Variants in FAF1 observed in about 807,000 individuals in gnomAD.
The protein encoded by FAF1 is FAS-associated factor 1.
Under a neutral mutation model 92.5 loss-of-function variants are expected in FAF1, and 25 were observed. That is an observed-to-expected ratio of 0.27 (90% CI 0.20 to 0.38). The LOEUF is 0.38. Ranked by LOEUF, FAF1 falls within the 10% of genes least tolerant of loss-of-function variation. The pLI, the probability that FAF1 is intolerant of heterozygous loss-of-function variation, is 1.00. For synonymous variants in FAF1, 234 were observed against 273.2 expected (o/e 0.86, Z 1.42); for missense variants, 636 against 793.3 (o/e 0.80, Z 2.38).
chr1:50,584,931 T>A (rs1651154421), intron 9 of FAF1, 120 bp from the exon 10 acceptor site: 2 of 892,288 alleles, frequency 2.2e-6, no homozygotes. Flanking sequence ...ATAAACTCAT[T>A]TGCTAGAGTA....
intron 2 of FAF1, among the ~76,000 whole-genome samples, chr1:50,813,597 A>C (rs940394698): frequency 6.6e-6 from 1 of 152,106 alleles, no homozygotes; most frequent in Non-Finnish European, 1.5e-5. Flanking sequence ...AGTAGCTCGG[A>C]CTACAGGCAA....
At chr1:50,447,313 G>A (rs1177650891) in intron 18 of FAF1, among the ~76,000 whole-genome samples, 3 of 151,904 alleles carry the variant, frequency 2.0e-5, no homozygotes, top group African/African-American at 4.8e-5. Flanking sequence ...TTTTAGTAGA[G>A]ACGGGGTTTC....
At chr1:50,513,973 C>G (rs979148544) in intron 15 of FAF1, among the ~76,000 whole-genome samples, 1 of 152,200 alleles carries the variant, frequency 6.6e-6, no homozygotes, top group African/African-American at 2.4e-5. Flanking sequence ...CCAAACAGTG[C>G]AAATACAATC....
At chr1:50,519,286 G>A (rs528989733) in intron 15 of FAF1, among the ~76,000 whole-genome samples, 5 of 150,658 alleles carry the variant, frequency 3.3e-5, no homozygotes, top group Non-Finnish European at 5.9e-5. Context: ...TCGAGACCAC[G>A]CCACTGCACT....
rs1177328149 is a variant in FAF1 at position 50,819,720 on chromosome 1, TATATATATACATATATATAC to T, written c.115-18063_115-18044del. 1.6e-3 allele frequency among the ~76,000 whole-genome samples: 40 copies of T among 25,130 alleles called. 2 individuals are homozygous for T. The highest frequency in any genetic ancestry group is 2.1e-3 in the Non-Finnish European group (25 of 12,014). The allele number at this position is 25,130 out of a possible 152,430, so 16.5% of individuals were successfully genotyped here. On this transcript the variant is annotated intron_variant, in intron 2 of 18. Transcript: ENST00000396153. The stretch of plus-strand genomic sequence containing the variant: ...ATATATATACATATATATATACGTA[TATATATATACATATATATAC>T]ATATATATATACATATATATATACG...
chr1:50,642,466 C>T (rs896054703), intron 8 of FAF1, among the ~76,000 whole-genome samples: 2 of 151,626 alleles, frequency 1.3e-5, no homozygotes, highest in African/African-American at 4.8e-5. Flanking sequence ...TTGGCCAATA[C>T]GGTGAAACCC....
intron 6 of FAF1, among the ~76,000 whole-genome samples, chr1:50,709,748 A>T (rs1469751535): frequency 6.6e-6 from 1 of 152,220 alleles, no homozygotes; most frequent in Non-Finnish European, 1.5e-5. Flanking sequence ...CTAGAAGTTT[A>T]CCGCTCATTC....
chr1:50,585,880 TAAAAAAAA>T (rs958484582), intron 9 of FAF1, among the ~76,000 whole-genome samples: 1 of 90,668 alleles, frequency 1.1e-5, no homozygotes, highest in Non-Finnish European at 2.3e-5. Context: ...CATCTCTACA[TAAAAAAAA>T]AAAAAAAAAA....
Position 50,705,846 on chromosome 1 carries a change from G to A in FAF1, c.597C>T (p.Thr199=). 6.2e-7 allele frequency: 1 copy of A among 1,612,882 alleles called. No individual in the cohort carries two copies. The highest frequency in any genetic ancestry group is 8.5e-7 in the Non-Finnish European group (1 of 1,179,352). The change falls in exon 7 of 19, where the codon ACC becomes ACT. Residue 199 remains threonine, a synonymous_variant. Transcript: ENST00000396153. The part of the protein sequence containing the change: ...SLNQNFMLII[T]HREVQREYNL... Reference sequence around the variant, plus strand: ...TGTACTCCCGCTGGACTTCTCGGTGGGTGATGATCAGCATGAAGTTTTGAT... The same window carrying A: ...TGTACTCCCGCTGGACTTCTCGGTGAGTGATGATCAGCATGAAGTTTTGAT...
At chr1:50,495,787 T>G (rs1475308664) in intron 15 of FAF1, among the ~76,000 whole-genome samples, 1 of 152,214 alleles carries the variant, frequency 6.6e-6, no homozygotes, top group Non-Finnish European at 1.5e-5. Flanking sequence ...TCCCTGTCTT[T>G]GGGATAAAAG....
intron 7 of FAF1, among the ~76,000 whole-genome samples, chr1:50,698,996 C>T (rs1657352005): frequency 6.6e-6 from 1 of 151,914 alleles, no homozygotes; most frequent in Non-Finnish European, 1.5e-5. Flanking sequence ...ACGATACAAA[C>T]TTTAAGAAGA....
chr1:50,836,242 C>T (rs997150614), intron 2 of FAF1, among the ~76,000 whole-genome samples: 3 of 135,080 alleles, frequency 2.2e-5, no homozygotes, highest in African/African-American at 8.5e-5. Flanking sequence ...GTGATCATAG[C>T]TCACTTTAAC....
At chr1:50,957,278 T>C (rs1472179998) in intron 1 of FAF1, among the ~76,000 whole-genome samples, 1 of 151,986 alleles carries the variant, frequency 6.6e-6, no homozygotes, top group Non-Finnish European at 1.5e-5. Flanking sequence ...CAATTGTGTA[T>C]AGCATTACCA....
At chr1:50,511,945 C>A (rs1194848128) in intron 15 of FAF1, among the ~76,000 whole-genome samples, 1 of 152,080 alleles carries the variant, frequency 6.6e-6, no homozygotes, top group African/African-American at 2.4e-5. Flanking sequence ...TTCTAACTGG[C>A]GTGAGATGGT....
intron 8 of FAF1, among the ~76,000 whole-genome samples, chr1:50,638,881 C>G (rs984133040): frequency 6.6e-6 from 1 of 152,204 alleles, no homozygotes; most frequent in Non-Finnish European, 1.5e-5. Context: ...ATAAAATACA[C>G]CAATATTCCA....
At chr1:50,916,601 A>G (rs1644920381) in intron 1 of FAF1, among the ~76,000 whole-genome samples, 2 of 152,220 alleles carry the variant, frequency 1.3e-5, no homozygotes, top group Non-Finnish European at 2.9e-5. Context: ...TGTTCACAGC[A>G]TAATAATTTC....
At chr1:50,534,341 C>A (rs937811885) in intron 15 of FAF1, among the ~76,000 whole-genome samples, 3 of 152,118 alleles carry the variant, frequency 2.0e-5, no homozygotes, top group Non-Finnish European at 4.4e-5. Flanking sequence ...AGTACAGTGG[C>A]ATGATCTTGG....
At chr1:50,492,629 TC>T (rs1646853171) in intron 15 of FAF1, among the ~76,000 whole-genome samples, 1 of 152,194 alleles carries the variant, frequency 6.6e-6, no homozygotes, top group Non-Finnish European at 1.5e-5. Context: ...GAGTGTAGGT[TC>T]CCTTTTTGGT....
At chr1:50,690,616 C>CA (rs907353742) in intron 7 of FAF1, among the ~76,000 whole-genome samples, 7 of 151,492 alleles carry the variant, frequency 4.6e-5, no homozygotes, top group Admixed American at 1.3e-4. Context: ...AACAAACAAA[C>CA]AAAAAAAACT....
Sources: allele counts gnomAD v4.1 joint callset (sites outside exome capture counted in the v4.1 genomes callset), GRCh38; gene constraint gnomAD v4.1.1; transcripts MANE v1.5; gene names NCBI Gene and HGNC (gene_info 2026-07-23, HGNC 2026-07-21).